SCART1: variants seen among roughly 807,000 people sequenced by gnomAD.
The protein encoded by SCART1 is scavenger receptor cysteine-rich domain-containing protein SCART1.
In SCART1, 62 loss-of-function variants were observed where a neutral mutation model predicts 36.2. The ratio of observed to expected loss-of-function variants is 1.71; its 90% CI spans 1.40 to 2.12. The LOEUF (loss-of-function observed/expected upper bound fraction) is 2.12. Ranked by LOEUF, SCART1 falls within the 30% of genes most tolerant of loss-of-function variation. The pLI is 0.00. For synonymous variants in SCART1, 487 were observed against 238.7 expected, an observed-to-expected ratio of 2.04 and a Z score of -9.59; for missense variants, 1,041 against 540.5, an observed-to-expected ratio of 1.93 and a Z score of -9.18.
In SCART1 at chr10:133,464,909, C is replaced by A. The variant is rs779996305; in HGVS notation, c.2273C>A (p.Ala758Glu). 7 of 702,948 alleles carry A rather than the reference C, an allele frequency of 1.0e-5. No homozygotes were observed. The East Asian group carries it at 1.9e-4, about 19-fold the overall frequency. 43.5% of individuals were successfully genotyped at this position (702,948 alleles called of 1,614,324 possible). A position where few individuals can be genotyped will look rare whatever the true frequency, so the allele number is the denominator to read the frequency against. Residue 758 changes from alanine (A) to glutamate (E), a missense_variant and splice_region_variant, in exon 7 of 12, where the codon GCA (alanine) becomes GAA (glutamate). Coordinates refer to ENST00000640237, the Ensembl canonical transcript of SCART1. The stretch of plus-strand genomic sequence containing the variant: ...CCCGCACTCTTGCGACCTTCGAGAG[C>A]AGGTCTGGATTACCTGTGCAGGTGG...
intron 2 of SCART1, chr10:133,457,065 T>C (rs1850625565): frequency 1.7e-6 from 1 of 580,286 alleles, no homozygotes; most frequent in Non-Finnish European, 3.0e-6. Context: ...GAACGGATCC[T>C]GCGGGGAACC....
chr10:133,467,032 G>A, intron 10 of SCART1, 166 bp from the exon 11 acceptor site: 1 of 531,214 alleles, frequency 1.9e-6, no homozygotes, highest in Non-Finnish European at 3.3e-6. Context: ...AGGGATGGGA[G>A]GGCACTGGGA....
At chr10:133,465,300 C>T in exon 9 of SCART1, 1 of 680,350 alleles carries the variant, frequency 1.5e-6, no homozygotes, top group Non-Finnish European at 2.7e-6. Context: ...GCTCCGGGCG[C>T]GTGGAGCTCT....
chr10:133,456,189 C>T lies in SCART1; in HGVS notation c.68-48C>T, dbSNP rs569824065. On this transcript the variant is annotated intron_variant, in intron 1 of 11. Transcript: ENST00000640237. ...CTGCCGCGGCTGCCATCTCCTCCTG[C>T]GCCTCTGGTTGGTTCTGGCCCCTCT... 1,371 of 670,600 alleles carry T rather than the reference C, an allele frequency of 2.0e-3. 5 individuals carry two copies. Among genetic ancestry groups the T allele is most frequent in the Non-Finnish European group, 3.3e-3 (1,209 of 366,100 alleles). The allele number at this position is 670,600 out of a possible 1,614,324, so 41.5% of individuals were successfully genotyped here.
chr10:133,458,023 G>A, intron 3 of SCART1: 1 of 563,308 alleles, frequency 1.8e-6, no homozygotes, highest in Middle Eastern at 4.7e-4. Context: ...CCCAGAGAGG[G>A]TGGTGCTCAG....
exon 2 of SCART1, chr10:133,456,508 C>T: frequency 4.3e-6 from 3 of 690,692 alleles, no homozygotes; most frequent in South Asian, 3.0e-5. Flanking sequence ...GCTCATGGTG[C>T]CAGAGCCCGT....
exon 12 of SCART1, chr10:133,468,754 A>G (rs1342553301): frequency 2.6e-5 from 4 of 152,218 alleles, no homozygotes; most frequent in African/African-American, 7.2e-5. Flanking sequence ...TGATTTTCAT[A>G]TGTTAAATTA....
intron 6 of SCART1, among the ~76,000 whole-genome samples, chr10:133,463,971 C>T (rs1326395997): frequency 6.6e-6 from 1 of 152,126 alleles, no homozygotes; most frequent in Admixed American, 6.5e-5. Context: ...TTATCCCTCC[C>T]TCCCCCAACC....
intron 2 of SCART1, 80 bp from the exon 3 acceptor site, chr10:133,457,199 C>T (rs1426550870): frequency 3.0e-6 from 2 of 677,452 alleles, no homozygotes; most frequent in African/African-American, 3.6e-5. Flanking sequence ...CATCACTGTC[C>T]TCCCTGAAAA....
At chr10:133,466,945 C>G in intron 10 of SCART1, 1 of 408,804 alleles carries the variant, frequency 2.4e-6, no homozygotes, top group Non-Finnish European at 4.4e-6. Flanking sequence ...TGAGCTCAAC[C>G]CTAGAAGGTT....
At chr10:133,465,442 G>A (rs999095800) in exon 9 of SCART1, 3 of 543,670 alleles carry the variant, frequency 5.5e-6, no homozygotes, top group South Asian at 2.4e-5. Context: ...CCCTGGCTCC[G>A]GGCCCGTGTG....
chr10:133,457,690 A>T, intron 3 of SCART1, 115 bp downstream of exon 3: 1 of 581,630 alleles, frequency 1.7e-6, no homozygotes, highest in Non-Finnish European at 3.0e-6. Context: ...CCTGTCCTGC[A>T]TGAGACATTG....
chr10:133,457,370 C>G (rs1395844114), exon 3 of SCART1: 1 of 701,804 alleles, frequency 1.4e-6, no homozygotes, highest in Admixed American at 2.0e-5. Flanking sequence ...TGGACCGCCT[C>G]TGTGTCCTGC....
At chr10:133,468,712 T>G (rs1281138670) in exon 12 of SCART1, 1 of 152,224 alleles carries the variant, frequency 6.6e-6, no homozygotes, top group Admixed American at 6.5e-5. Context: ...TTTATCAAAT[T>G]CTTTTTTGTA....
At chr10:133,467,378 G>A (rs1417219475) in intron 11 of SCART1, 25 bp downstream of exon 11, 2 of 692,668 alleles carry the variant, frequency 2.9e-6, no homozygotes, top group South Asian at 1.5e-5. Flanking sequence ...CAGCTCAGGG[G>A]TGAGCTCTGG....
intron 6 of SCART1, among the ~76,000 whole-genome samples, chr10:133,461,045 A>G (rs1431486188): frequency 2.0e-5 from 3 of 152,094 alleles, no homozygotes; most frequent in African/African-American, 7.2e-5. Context: ...CATTTTGCAG[A>G]CTATTTTTGA....
At chr10:133,455,492 A>G (rs1373278213) in intron 1 of SCART1, among the ~76,000 whole-genome samples, 2 of 151,724 alleles carry the variant, frequency 1.3e-5, no homozygotes, top group Non-Finnish European at 1.5e-5. Flanking sequence ...GGGTGTGGAG[A>G]GTCCTCCAGG....
At chr10:133,457,456 G>C (rs749236927) in exon 3 of SCART1, 1 of 702,636 alleles carries the variant, frequency 1.4e-6, no homozygotes, top group Non-Finnish European at 2.6e-6. Context: ...CGGGACGTGG[G>C]CGTCGTCAGG....
chr10:133,460,349 T>C (rs2133554409), intron 6 of SCART1, among the ~76,000 whole-genome samples, 179 bp downstream of exon 6: 1 of 151,918 alleles, frequency 6.6e-6, no homozygotes, highest in Admixed American at 6.5e-5. Flanking sequence ...CAAAGTACTT[T>C]GGTTCCGTGC....
Sources: allele counts gnomAD v4.1 joint callset (sites outside exome capture counted in the v4.1 genomes callset), GRCh38; gene constraint gnomAD v4.1.1; transcripts MANE v1.5; gene names NCBI Gene and HGNC (gene_info 2026-07-23, HGNC 2026-07-21).